Variants in KIAA0825 observed in about 807,000 individuals in gnomAD.
KIAA0825 encodes the protein uncharacterized protein KIAA0825.
In KIAA0825, 119 loss-of-function variants were observed where a neutral mutation model predicts 147.6. The observed-to-expected ratio is 0.81, with a 90% CI of 0.69 to 0.94. The LOEUF is 0.94. Ranked by LOEUF, KIAA0825 falls within the 40% of genes least tolerant of loss-of-function variation. The probability of loss-of-function intolerance (pLI) is 0.00; values close to 1 mark genes in which losing one functional copy is unlikely to be tolerated. For synonymous variants in KIAA0825, 470 were observed against 518.1 expected, an observed-to-expected ratio of 0.91 and a Z score of 1.26; for missense variants, 1,381 against 1,472.7, an observed-to-expected ratio of 0.94 and a Z score of 1.02.
At chr5:94,244,130 T>A (rs1227306946) in intron 20 of KIAA0825, among the ~76,000 whole-genome samples, 1 of 152,184 alleles carries the variant, frequency 6.6e-6, no homozygotes, top group Non-Finnish European at 1.5e-5. Flanking sequence ...AAGAAGGTCT[T>A]GCAGCATGAG....
chr5:94,154,955 A>G (rs1766897549), intron 20 of KIAA0825, among the ~76,000 whole-genome samples: 1 of 152,062 alleles, frequency 6.6e-6, no homozygotes, highest in Admixed American at 6.5e-5. Context: ...TAAGCTGTCC[A>G]CCATAATGTA....
chr5:94,211,274 C>T (rs1487096087), intron 20 of KIAA0825, among the ~76,000 whole-genome samples: 1 of 152,204 alleles, frequency 6.6e-6, no homozygotes, highest in African/African-American at 2.4e-5. Context: ...TTTAAGAACA[C>T]TAAACTGCCC....
chr5:94,176,931 T>C (rs1769158525), intron 20 of KIAA0825, among the ~76,000 whole-genome samples: 2 of 152,106 alleles, frequency 1.3e-5, no homozygotes, highest in South Asian at 2.1e-4. Context: ...TAAGTAACTA[T>C]GACATTACCA....
chr5:94,481,787 C>A (rs1762523646), intron 6 of KIAA0825, among the ~76,000 whole-genome samples: 2 of 152,094 alleles, frequency 1.3e-5, no homozygotes, highest in Admixed American at 6.6e-5. Flanking sequence ...GATCTGAAAT[C>A]TTTGATTCTT....
At chr5:94,247,792 G>A (rs1775707844) in intron 20 of KIAA0825, among the ~76,000 whole-genome samples, 1 of 152,002 alleles carries the variant, frequency 6.6e-6, no homozygotes, top group African/African-American at 2.4e-5. Context: ...TTTAGCATGG[G>A]AAAAAGTCAA....
intron 20 of KIAA0825, among the ~76,000 whole-genome samples, chr5:94,167,076 C>T (rs1005867346): frequency 6.6e-6 from 1 of 152,100 alleles, no homozygotes; most frequent in Non-Finnish European, 1.5e-5. Flanking sequence ...ACACCCCCCT[C>T]CTCACCCCAA....
intron 1 of KIAA0825, among the ~76,000 whole-genome samples, chr5:94,613,965 C>A (rs2047319): frequency 0.14 from 21,445 of 152,202 alleles, 1,738 homozygotes; most frequent in East Asian, 0.32. Flanking sequence ...CTGTGGGTGA[C>A]CATTTCTCCT....
rs1282158962 is a variant in KIAA0825 at position 94,151,483 on chromosome 5, A to G, written c.*2524T>C. Among the ~76,000 whole-genome samples, 1 of 151,816 alleles carries G rather than the reference A, an allele frequency of 6.6e-6. No individual in the cohort carries two copies. Among genetic ancestry groups the G allele is most frequent in the African/African-American group, 2.4e-5 (1 of 41,386 alleles). ...GAGTATAAAGTCAAAATAATCTGAT[A>G]AATCAATGACTTGTCACCTAATACT... On this transcript the variant is annotated 3_prime_UTR_variant, in exon 21 of 21. Coordinates refer to ENST00000682413, the MANE Select transcript of KIAA0825 (RefSeq NM_001145678.3).
intron 3 of KIAA0825, among the ~76,000 whole-genome samples, chr5:94,527,047 A>G (rs1273484709): frequency 6.6e-6 from 1 of 152,180 alleles, no homozygotes; most frequent in African/African-American, 2.4e-5. Context: ...CTCACCCCTC[A>G]GAATTCAGTA....
chr5:94,405,244 C>T (rs566402378), intron 15 of KIAA0825, among the ~76,000 whole-genome samples: 9 of 152,116 alleles, frequency 5.9e-5, no homozygotes, highest in African/African-American at 2.2e-4. Context: ...GGCGAGATTT[C>T]CAAAAAGAAA....
intron 2 of KIAA0825, among the ~76,000 whole-genome samples, chr5:94,540,766 T>C (rs1773131978): frequency 6.6e-6 from 1 of 152,208 alleles, no homozygotes; most frequent in Non-Finnish European, 1.5e-5. Context: ...GGGTCTAAAT[T>C]ATGTGGGTCA....
chr5:94,207,393 C>T (rs1176846560), intron 20 of KIAA0825, among the ~76,000 whole-genome samples: 1 of 152,134 alleles, frequency 6.6e-6, no homozygotes, highest in Non-Finnish European at 1.5e-5. Flanking sequence ...TTCCCAGCAG[C>T]CCTGTCCTGG....
In KIAA0825 at chr5:94,151,279, C is replaced by T. The variant is rs975183262; in HGVS notation, c.*2728G>A. 2.4e-4 allele frequency among the ~76,000 whole-genome samples: 36 copies of T among 150,710 alleles called. No individual in the cohort carries two copies. The highest frequency in any genetic ancestry group is 7.5e-4 in the African/African-American group (31 of 41,168). On this transcript the variant is annotated 3_prime_UTR_variant, in exon 21 of 21. Transcript: ENST00000682413. ...AAAAATACAAAAAAGTAGCCGGGCG[C>T]GGTGGCGGGCGCCTGTAGTCCCAGC... is the stretch of plus-strand genomic sequence containing the variant.
At chr5:94,261,680 A>G (rs1010330406) in intron 20 of KIAA0825, among the ~76,000 whole-genome samples, 2 of 152,186 alleles carry the variant, frequency 1.3e-5, no homozygotes, top group African/African-American at 4.8e-5. Context: ...TCTCCATCTT[A>G]GTGAACCAAT....
At chr5:94,378,769 A>AT (rs1239607896) in intron 20 of KIAA0825, among the ~76,000 whole-genome samples, 1 of 151,986 alleles carries the variant, frequency 6.6e-6, no homozygotes, top group Non-Finnish European at 1.5e-5. Flanking sequence ...CCAGCATGTT[A>AT]TTTTTTGACT....
At chr5:94,523,041 C>T (rs1186290120) in intron 4 of KIAA0825, among the ~76,000 whole-genome samples, 4 of 151,658 alleles carry the variant, frequency 2.6e-5, no homozygotes, top group Admixed American at 2.6e-4. Flanking sequence ...TCAGGGCACA[C>T]AGTCTTCCTT....
At chr5:94,430,691 C>T (rs1755548357) in intron 14 of KIAA0825, among the ~76,000 whole-genome samples, 1 of 152,120 alleles carries the variant, frequency 6.6e-6, no homozygotes, top group African/African-American at 2.4e-5. Context: ...CATACTAATG[C>T]TAGAAGCACA....
At chr5:94,529,345 A>ATATATGTATATATCATATATGTATATATC (rs1561268886) in intron 3 of KIAA0825, among the ~76,000 whole-genome samples, 2 of 129,862 alleles carry the variant, frequency 1.5e-5, no homozygotes, top group Admixed American at 8.2e-5. Flanking sequence ...ATATGTATAT[A>ATATATGTATATATCATATATGTATATATC]TCATATATGT....
intron 20 of KIAA0825, among the ~76,000 whole-genome samples, chr5:94,273,592 G>C (rs1205938882): frequency 6.6e-6 from 1 of 152,020 alleles, no homozygotes. Context: ...GTCCCAAATA[G>C]AATAGTTAAA....
Sources: allele counts gnomAD v4.1 joint callset (sites outside exome capture counted in the v4.1 genomes callset), GRCh38; gene constraint gnomAD v4.1.1; transcripts MANE v1.5; gene names NCBI Gene and HGNC (gene_info 2026-07-23, HGNC 2026-07-21).